Variants in LDB2 observed in about 807,000 individuals in gnomAD.
LDB2 encodes the protein LIM domain binding 2.
LDB2 carries 12 observed loss-of-function variants against 44.3 expected under a neutral mutation model. The ratio of observed to expected loss-of-function variants is 0.27; its 90% CI spans 0.17 to 0.44. LDB2 has a LOEUF of 0.44. LDB2 is among the 20% of genes least tolerant of loss of function. The probability of loss-of-function intolerance (pLI) is 1.00; values close to 1 mark genes in which losing one functional copy is unlikely to be tolerated. For missense variants in LDB2, 344 were observed against 473.5 expected, an observed-to-expected ratio of 0.73 and a Z score of 2.54; for synonymous variants, 164 against 174.8, an observed-to-expected ratio of 0.94 and a Z score of 0.49.
chr4:16,594,910 T>G (rs1248072369), intron 3 of LDB2, among the ~76,000 whole-genome samples: 1 of 152,236 alleles, frequency 6.6e-6, no homozygotes, highest in Non-Finnish European at 1.5e-5. Flanking sequence ...TCAGATTCTG[T>G]GATTAAATAT....
intron 1 of LDB2, among the ~76,000 whole-genome samples, chr4:16,782,937 A>C (rs1299468220): frequency 6.6e-6 from 1 of 152,216 alleles, no homozygotes; most frequent in East Asian, 1.9e-4. Context: ...TTGAAAAAAA[A>C]TAAAATAGAA....
At chr4:16,561,096 C>A (rs79542791) in intron 5 of LDB2, among the ~76,000 whole-genome samples, 10,186 of 152,070 alleles carry the variant, frequency 0.067, 462 homozygotes, top group South Asian at 0.15. Flanking sequence ...CTATGACAAA[C>A]CCACAGCCAA....
chr4:16,786,782 T>C (rs1286743412), intron 1 of LDB2, among the ~76,000 whole-genome samples: 1 of 152,206 alleles, frequency 6.6e-6, no homozygotes, highest in African/African-American at 2.4e-5. Flanking sequence ...TAAACATTAT[T>C]GTTTGGGGAA....
chr4:16,830,626 T>C (rs915036226), intron 1 of LDB2, among the ~76,000 whole-genome samples: 3 of 152,062 alleles, frequency 2.0e-5, no homozygotes, highest in Non-Finnish European at 4.4e-5. Context: ...CATGAAGGAG[T>C]CATTAAGAGC....
chr4:16,765,440 G>C (rs1768992384), intron 1 of LDB2, among the ~76,000 whole-genome samples: 1 of 152,170 alleles, frequency 6.6e-6, no homozygotes, highest in South Asian at 2.1e-4. Flanking sequence ...ACTGTCTCCT[G>C]TACTAGGAAA....
At chr4:16,868,640 C>A (rs1424968264) in intron 1 of LDB2, among the ~76,000 whole-genome samples, 1 of 152,204 alleles carries the variant, frequency 6.6e-6, no homozygotes. Flanking sequence ...CACACTTCTC[C>A]TTTCAAAGGA....
intron 2 of LDB2, among the ~76,000 whole-genome samples, chr4:16,713,862 A>G (rs1476809163): frequency 6.6e-6 from 1 of 152,092 alleles, no homozygotes; most frequent in Non-Finnish European, 1.5e-5. Flanking sequence ...CTAGCAATAG[A>G]CTCTGGCTAG....
intron 1 of LDB2, among the ~76,000 whole-genome samples, chr4:16,870,907 T>A (rs1437382716): frequency 1.3e-5 from 2 of 152,176 alleles, no homozygotes; most frequent in African/African-American, 4.8e-5. Context: ...GTGCTAGGAT[T>A]ACAGGCATGA....
At chr4:16,635,995 C>T (rs750335118) in intron 2 of LDB2, among the ~76,000 whole-genome samples, 1 of 152,160 alleles carries the variant, frequency 6.6e-6, no homozygotes, top group Non-Finnish European at 1.5e-5. Context: ...GAGGCTCTCA[C>T]TGAGAAGTGG....
intron 1 of LDB2, among the ~76,000 whole-genome samples, chr4:16,821,088 G>A (rs902347362): frequency 1.3e-5 from 2 of 152,140 alleles, no homozygotes; most frequent in African/African-American, 4.8e-5. Flanking sequence ...TTTTTTGACA[G>A]TAGAGAATGT....
chr4:16,685,670 C>A (rs548783432), intron 2 of LDB2, among the ~76,000 whole-genome samples: 8 of 152,292 alleles, frequency 5.3e-5, no homozygotes, highest in Admixed American at 2.6e-4. Flanking sequence ...TTAAAGGAAT[C>A]TTCTTCACTA....
chr4:16,698,163 C>T (rs1347967128), intron 2 of LDB2, among the ~76,000 whole-genome samples: 28 of 152,104 alleles, frequency 1.8e-4, no homozygotes, highest in Non-Finnish European at 1.5e-5. Context: ...TTTTTATTTA[C>T]CCAGTTTCTT....
chr4:16,588,584 G>T, intron 4 of LDB2, 126 bp downstream of exon 4: 1 of 943,784 alleles, frequency 1.1e-6, no homozygotes, highest in Non-Finnish European at 1.6e-6. Flanking sequence ...AATATTTAGA[G>T]TTAATTACCT....
chr4:16,554,871 C>A (rs1471108589), intron 5 of LDB2, among the ~76,000 whole-genome samples: 1 of 152,132 alleles, frequency 6.6e-6, no homozygotes, highest in Non-Finnish European at 1.5e-5. Flanking sequence ...TTGTCCAAAC[C>A]TCTAGAATGT....
intron 1 of LDB2, among the ~76,000 whole-genome samples, chr4:16,858,851 C>T (rs1789928790): frequency 6.6e-6 from 1 of 152,110 alleles, no homozygotes; most frequent in Non-Finnish European, 1.5e-5. Flanking sequence ...GTATCGTTGC[C>T]CAAGTTCTTT....
chr4:16,823,673 A>G (rs1561354573), intron 1 of LDB2, among the ~76,000 whole-genome samples: 1 of 152,326 alleles, frequency 6.6e-6, no homozygotes, highest in East Asian at 1.9e-4. Flanking sequence ...TTGAACTGAA[A>G]CAGAAAAAGA....
chr4:16,602,236 GA>G (rs1560599688), intron 2 of LDB2, among the ~76,000 whole-genome samples: 1 of 152,152 alleles, frequency 6.6e-6, no homozygotes, highest in Non-Finnish European at 1.5e-5. Flanking sequence ...GATAGCTCGG[GA>G]AGGCCAACTA....
intron 2 of LDB2, among the ~76,000 whole-genome samples, chr4:16,654,752 G>A (rs1019600514): frequency 6.6e-6 from 1 of 152,198 alleles, no homozygotes; most frequent in Non-Finnish European, 1.5e-5. Flanking sequence ...TGACTTATTA[G>A]TATGAGACTC....
chr4:16,611,755 A>T (rs1203834448), intron 2 of LDB2, among the ~76,000 whole-genome samples: 1 of 152,252 alleles, frequency 6.6e-6, no homozygotes, highest in Admixed American at 6.5e-5. Flanking sequence ...GCTCCCACAC[A>T]ATAATAGTGG....
Sources: gnomAD v4.1 joint callset for allele counts (sites outside exome capture counted in the v4.1 genomes callset) on GRCh38, gnomAD v4.1.1 for gene constraint, MANE v1.5 for transcripts, NCBI Gene and HGNC (gene_info 2026-07-23, HGNC 2026-07-21) for gene names.